The following FREM3 variants were observed in gnomAD, a reference collection of about 807,000 sequenced individuals.
FREM3 encodes the protein FRAS1 related extracellular matrix 3.
FREM3 carries 105 observed loss-of-function variants against 129.1 expected under a neutral mutation model. That is an observed-to-expected ratio of 0.81 (90% CI 0.69 to 0.96). The LOEUF (loss-of-function observed/expected upper bound fraction) is 0.96, where lower values mean the gene tolerates loss of function less well. FREM3 is among the 40% of genes least tolerant of loss of function. The pLI is 0.00. For synonymous variants in FREM3, 1,014 were observed against 1,044.9 expected (o/e 0.97, Z 0.57); for missense variants, 2,593 against 2,666.3 (o/e 0.97, Z 0.61).
chr4:143,627,900 G>T (rs1739071173), intron 2 of FREM3, 140 bp from the exon 3 acceptor site: 1 of 633,354 alleles, frequency 1.6e-6, no homozygotes, highest in East Asian at 2.8e-5. Context: ...TTGGTAGAGA[G>T]AGGAAATGTT....
intron 3 of FREM3, among the ~76,000 whole-genome samples, chr4:143,625,019 C>T (rs901679707): frequency 2.6e-5 from 4 of 151,972 alleles, no homozygotes; most frequent in African/African-American, 9.7e-5. Context: ...TGGAGAGAGG[C>T]AAGAGATTTG....
intron 2 of FREM3, among the ~76,000 whole-genome samples, chr4:143,692,095 A>T (rs1740481193): frequency 6.6e-6 from 1 of 152,032 alleles, no homozygotes; most frequent in Non-Finnish European, 1.5e-5. Flanking sequence ...CTTTAAATTA[A>T]TTTTTTTTAA....
intron 2 of FREM3, among the ~76,000 whole-genome samples, chr4:143,649,859 G>A (rs1402988332): frequency 6.6e-6 from 1 of 152,120 alleles, no homozygotes; most frequent in Non-Finnish European, 1.5e-5. Context: ...GAATGTTTCA[G>A]GACCAGTTGA....
rs1740646726 is a variant in FREM3 at position 143,699,349 on chromosome 4, G to A, written c.1327C>T (p.Leu443Phe). The change falls in exon 1 of 8, where the codon CTT becomes TTT. Residue 443 changes from leucine (L) to phenylalanine (F), a missense_variant. Leu to Phe is a conservative substitution (Grantham distance 22, BLOSUM62 0). Around this residue, in one of 2 missense-constraint regions of FREM3, gnomAD observed 2,276 missense variants for 2,267.2 expected, o/e 1.00. Transcript: ENST00000329798. This position sits in a 1 kb window ranked among gnomAD's most constrained non-coding sequence, Gnocchi z 4.2. The part of the protein sequence containing the change: ...PVASHNRGLV[L>F]FEGQSRPLSS... ...AAGGGCCTTGACTGACCTTCAAAAA[G>A]CACAAGTCCCCTGTTATGGCTAGCC... 2.6e-6 allele frequency: 4 copies of A among 1,537,230 alleles called. No individual in the cohort carries two copies. In the South Asian group the frequency reaches 4.8e-5, roughly 18 times the overall value.
chr4:143,592,397 T>G (rs980069307), intron 6 of FREM3, among the ~76,000 whole-genome samples: 2 of 152,242 alleles, frequency 1.3e-5, no homozygotes, highest in African/African-American at 4.8e-5. Flanking sequence ...CCTTTCCATG[T>G]TTAGTGCTTC....
At chr4:143,635,240 G>A (rs1042752428) in intron 2 of FREM3, among the ~76,000 whole-genome samples, 2 of 152,150 alleles carry the variant, frequency 1.3e-5, no homozygotes, top group African/African-American at 4.8e-5. Context: ...ATTTGAATTA[G>A]TTTTATCACA....
chr4:143,616,742 A>G (rs958905314), intron 5 of FREM3, among the ~76,000 whole-genome samples: 2 of 151,856 alleles, frequency 1.3e-5, no homozygotes, highest in Non-Finnish European at 2.9e-5. Flanking sequence ...GCAGTGAGCC[A>G]AGACGGCGAC....
intron 6 of FREM3, among the ~76,000 whole-genome samples, chr4:143,588,173 CT>C (rs1239916038): frequency 6.6e-6 from 1 of 152,138 alleles, no homozygotes; most frequent in African/African-American, 2.4e-5. Flanking sequence ...TTCGAGCCCC[CT>C]CTCTTGATTT....
rs1739444814 is a variant in FREM3, at chr4:143,647,793, G to A, written c.5276-20033C>T. On this transcript the variant is annotated intron_variant, in intron 2 of 7. Coordinates refer to ENST00000329798, the MANE Select transcript of FREM3 (RefSeq NM_001168235.2). The stretch of plus-strand genomic sequence containing the variant: ...TGCTGTGGATGTGAAGCCCTATGGA[G>A]AACCCCTTTTAGGGCAGTGCAGAAG... Among the ~76,000 whole-genome samples the A allele has an allele frequency of 2.6e-5, 4 of 152,170 alleles. No individual in the cohort carries two copies. The South Asian group carries it at 8.3e-4, about 31-fold the overall frequency.
intron 6 of FREM3, among the ~76,000 whole-genome samples, chr4:143,595,729 T>C (rs937866670): frequency 5.9e-5 from 9 of 151,668 alleles, no homozygotes; most frequent in Non-Finnish European, 1.2e-4. Context: ...CTACTAAAAA[T>C]ACAAAAAAAT....
intron 2 of FREM3, among the ~76,000 whole-genome samples, chr4:143,665,705 T>C (rs1295923663): frequency 6.6e-6 from 1 of 152,114 alleles, no homozygotes; most frequent in African/African-American, 2.4e-5. Flanking sequence ...GATGTTTAAA[T>C]TGAATACAGT....
At chr4:143,647,221 A>G (rs1220507142) in intron 2 of FREM3, among the ~76,000 whole-genome samples, 2 of 147,178 alleles carry the variant, frequency 1.4e-5, no homozygotes. Context: ...AACTTCAGAG[A>G]TATGATTTAA....
At chr4:143,615,712 A>AC (rs1420515638) in intron 5 of FREM3, among the ~76,000 whole-genome samples, 1 of 149,360 alleles carries the variant, frequency 6.7e-6, no homozygotes, top group Non-Finnish European at 1.5e-5. Flanking sequence ...AGTGTCAAAA[A>AC]AAAAACAAAA....
At chr4:143,675,593 G>A (rs145039434) in intron 2 of FREM3, among the ~76,000 whole-genome samples, 11,051 of 151,960 alleles carry the variant, frequency 0.073, 1,072 homozygotes, top group African/African-American at 0.21. Context: ...AAAATCAATG[G>A]ATCCAGGAGC....
intron 5 of FREM3, among the ~76,000 whole-genome samples, chr4:143,615,487 G>A (rs995038155): frequency 4.6e-5 from 7 of 152,132 alleles, no homozygotes; most frequent in Middle Eastern, 6.3e-3. Flanking sequence ...GAAGGGTGGT[G>A]GGAGAACCAG....
In FREM3 at chr4:143,624,235, C is replaced by A. The variant is rs1340734625; in HGVS notation, c.5526G>T (p.Arg1842Ser). The A allele has an allele frequency of 4.6e-6, 7 of 1,535,754 alleles. No individual in the cohort carries two copies. The Admixed American group carries it at 1.4e-4, about 30-fold the overall frequency. The change falls in exon 4 of 8, where the codon AGG becomes AGT. Residue 1842 changes from arginine (R) to serine (S), a missense_variant. Coordinates refer to ENST00000329798, the MANE Select transcript of FREM3 (RefSeq NM_001168235.2). Reference protein sequence around the residue: ...FNPGQTTATWRVRIIPDNEYE... With the variant: ...FNPGQTTATWSVRIIPDNEYE... ...ATTCATTGTCAGGTATAATTCTCAC[C>A]CTCCATGTGGCTGTAGTCTGTCCAG... is the stretch of plus-strand genomic sequence containing the variant.
At chr4:143,679,308 C>A (rs898226191) in intron 2 of FREM3, among the ~76,000 whole-genome samples, 1 of 152,142 alleles carries the variant, frequency 6.6e-6, no homozygotes, top group Non-Finnish European at 1.5e-5. Context: ...ACCATTCTCT[C>A]ATTCGTTGAA....
intron 2 of FREM3, among the ~76,000 whole-genome samples, chr4:143,669,201 G>A (rs1221021512): frequency 1.3e-5 from 2 of 152,200 alleles, no homozygotes; most frequent in Non-Finnish European, 2.9e-5. Context: ...AGAGGCCTGT[G>A]AACCAGAAAA....
chr4:143,604,806 G>A (rs182826215), intron 6 of FREM3, among the ~76,000 whole-genome samples: 1 of 152,216 alleles, frequency 6.6e-6, no homozygotes, highest in East Asian at 1.9e-4. Context: ...CTCAATAAAT[G>A]TTACAGAATC....
Sources: allele counts gnomAD v4.1 joint callset (sites outside exome capture counted in the v4.1 genomes callset), GRCh38; gene constraint gnomAD v4.1.1; regional missense constraint gnomAD v4.1.1; non-coding constraint Gnocchi (gnomAD v3.1); transcripts MANE v1.5; gene names NCBI Gene and HGNC (gene_info 2026-07-23, HGNC 2026-07-21).